Variants in TRHR observed in about 807,000 individuals in gnomAD.
TRHR encodes the protein thyrotropin-releasing hormone receptor.
TRHR carries 14 observed loss-of-function variants against 28.0 expected under a neutral mutation model. The ratio of observed to expected loss-of-function variants is 0.50; its 90% CI spans 0.33 to 0.78. The LOEUF (loss-of-function observed/expected upper bound fraction) is 0.78. Among genes scored for constraint, TRHR ranks in the 30% least tolerant of loss-of-function variants. The pLI is 0.02. For missense variants in TRHR, 438 were observed against 469.5 expected (o/e 0.93, Z 0.62); for synonymous variants, 176 against 171.9 (o/e 1.02, Z -0.18).
At chr8:109,104,851 G>A (rs940985557) in intron 2 of TRHR, among the ~76,000 whole-genome samples, 2 of 151,932 alleles carry the variant, frequency 1.3e-5, no homozygotes, top group African/African-American at 4.8e-5. Context: ...TGGGCACCGG[G>A]GCTCATACCT....
chr8:109,089,572 T>A (rs2129867125), intron 2 of TRHR, among the ~76,000 whole-genome samples: 1 of 152,258 alleles, frequency 6.6e-6, no homozygotes, highest in African/African-American at 2.4e-5. Flanking sequence ...GTTTATATAA[T>A]ACTTATTATT....
At chr8:109,109,831 G>A (rs1811803392) in intron 2 of TRHR, among the ~76,000 whole-genome samples, 1 of 152,148 alleles carries the variant, frequency 6.6e-6, no homozygotes, top group Non-Finnish European at 1.5e-5. Flanking sequence ...TTGAAAGAAA[G>A]TACAAGGCTT....
intron 2 of TRHR, among the ~76,000 whole-genome samples, chr8:109,088,603 A>T (rs1811477771): frequency 1.3e-5 from 2 of 152,234 alleles, no homozygotes; most frequent in Non-Finnish European, 2.9e-5. Context: ...CCTCTCTGGA[A>T]ATGTTATCAG....
intron 2 of TRHR, among the ~76,000 whole-genome samples, chr8:109,096,800 T>TA (rs899756304): frequency 5.9e-5 from 9 of 151,974 alleles, no homozygotes; most frequent in African/African-American, 1.5e-4. Context: ...TATATATATA[T>TA]AAAAAAACAT....
chr8:109,119,230 C>T lies in TRHR; in HGVS notation c.972C>T (p.Ser324=), dbSNP rs1422657684. The T allele has an allele frequency of 1.9e-6, 3 of 1,612,736 alleles. No individual in the cohort carries two copies. The highest frequency in any genetic ancestry group is 2.2e-5 in the South Asian group (2 of 91,064). The stretch of plus-strand genomic sequence containing the variant: ...ACCCGGTGATTTACAATCTCATGTC[C>T]CAGAAATTCCGTGCAGCCTTCAGAA... The part of the protein sequence containing the change: ...AINPVIYNLM[S]QKFRAAFRKL... Residue 324 remains serine (S), a synonymous_variant, in exon 3 of 3, where the codon TCC becomes TCT. Transcript: ENST00000518632.
intron 2 of TRHR, among the ~76,000 whole-genome samples, chr8:109,111,986 G>A (rs1427263133): frequency 6.6e-6 from 1 of 152,068 alleles, no homozygotes; most frequent in Non-Finnish European, 1.5e-5. Context: ...TTGCTTTTTA[G>A]TACTAACAGA....
At position 109,119,795 on chromosome 8, in the gene TRHR, A is replaced by C. The variant is rs1811978438; in HGVS notation, c.*340A>C. On this transcript the variant is annotated 3_prime_UTR_variant, in exon 3 of 3. Transcript: ENST00000518632. ...ACATCAATTTACATTATTCATAGTA[A>C]CCTTATCAAATGTCACTTTTCAACT... Among the ~76,000 whole-genome samples, 1 of 151,946 alleles carries C rather than the reference A, an allele frequency of 6.6e-6. No homozygotes were observed. Among genetic ancestry groups the C allele is most frequent in the Non-Finnish European group, 1.5e-5 (1 of 67,912 alleles).
intron 2 of TRHR, among the ~76,000 whole-genome samples, chr8:109,095,442 C>T (rs182845416): frequency 3.7e-4 from 57 of 152,106 alleles, no homozygotes; most frequent in African/African-American, 1.3e-3. Flanking sequence ...AGACTGGGCA[C>T]GTTCAGGGAG....
chr8:109,091,863 T>A (rs991356721), intron 2 of TRHR, among the ~76,000 whole-genome samples: 9 of 152,228 alleles, frequency 5.9e-5, no homozygotes, highest in African/African-American at 2.2e-4. Context: ...GTTTGTTATT[T>A]TAATATAAAG....
At chr8:109,115,588 C>G (rs1811908916) in intron 2 of TRHR, among the ~76,000 whole-genome samples, 1 of 152,148 alleles carries the variant, frequency 6.6e-6, no homozygotes, top group Non-Finnish European at 1.5e-5. Flanking sequence ...AATGGGAATT[C>G]ACTCATGATT....
intron 2 of TRHR, 29 bp from the exon 3 acceptor site, chr8:109,119,019 G>A (rs138163010): frequency 1.4e-5 from 23 of 1,611,972 alleles, no homozygotes; most frequent in Middle Eastern, 1.7e-4. Context: ...ATTTGTGTTT[G>A]TACAGCATTT....
intron 2 of TRHR, among the ~76,000 whole-genome samples, chr8:109,090,546 A>T (rs1811502622): frequency 6.6e-6 from 1 of 152,202 alleles, no homozygotes; most frequent in African/African-American, 2.4e-5. Context: ...ATTGAGAAAC[A>T]TGGAGTGACA....
intron 2 of TRHR, among the ~76,000 whole-genome samples, chr8:109,091,357 A>G (rs541260499): frequency 9.2e-5 from 14 of 152,316 alleles, no homozygotes; most frequent in Admixed American, 8.5e-4. Flanking sequence ...GAGAACAGTG[A>G]AGGGGAGCTA....
chr8:109,092,824 T>A (rs924154782), intron 2 of TRHR, among the ~76,000 whole-genome samples: 1 of 147,732 alleles, frequency 6.8e-6, no homozygotes, highest in Non-Finnish European at 1.5e-5. Flanking sequence ...ATGTGTATTA[T>A]GGAAAATATA....
chr8:109,105,469 G>A (rs1029640585), intron 2 of TRHR, among the ~76,000 whole-genome samples: 4 of 152,070 alleles, frequency 2.6e-5, no homozygotes, highest in East Asian at 3.8e-4. Flanking sequence ...TCTGAATCCC[G>A]AGTACTCTTT....
chr8:109,101,007 T>G (rs371864888), intron 2 of TRHR, among the ~76,000 whole-genome samples: 58 of 152,280 alleles, frequency 3.8e-4, no homozygotes, highest in African/African-American at 8.9e-4. Context: ...ATAAGGCCTT[T>G]ATTTAGTATA....
chr8:109,105,563 C>A (rs1811738082), intron 2 of TRHR, among the ~76,000 whole-genome samples: 1 of 152,000 alleles, frequency 6.6e-6, no homozygotes, highest in African/African-American at 2.4e-5. Flanking sequence ...AATGGGAAAA[C>A]ATGGAATAAA....
chr8:109,100,960 A>C (rs1008699799), intron 2 of TRHR, among the ~76,000 whole-genome samples: 2 of 152,208 alleles, frequency 1.3e-5, no homozygotes, highest in Non-Finnish European at 2.9e-5. Flanking sequence ...TCTGGGCAAC[A>C]AAAGATGAGC....
rs752257068 is a variant in TRHR, at chr8:109,088,319, TC to T, written c.789+20del. On this transcript the variant is annotated intron_variant, in intron 2 of 2. Transcript: ENST00000518632. ...GGAAGCAGGTAAGCAAAACTGAAAC[TC>T]CAAGTCAATAGAGGAAATGTGGGAT... 2 of 1,611,338 alleles carry T rather than the reference TC, an allele frequency of 1.2e-6. No homozygotes were observed. The highest frequency in any genetic ancestry group is 2.7e-5 in the African/African-American group (2 of 74,892).
Sources: allele counts gnomAD v4.1 joint callset (sites outside exome capture counted in the v4.1 genomes callset), GRCh38; gene constraint gnomAD v4.1.1; transcripts MANE v1.5; gene names NCBI Gene and HGNC (gene_info 2026-07-23, HGNC 2026-07-21).